Variants in KHDRBS2 observed in about 807,000 individuals in gnomAD.
KHDRBS2 encodes KH domain-containing, RNA-binding, signal transduction-associated protein 2.
In KHDRBS2, 26 loss-of-function variants were observed where a neutral mutation model predicts 44.3. The observed-to-expected ratio is 0.59, with a 90% CI of 0.43 to 0.81. The LOEUF (loss-of-function observed/expected upper bound fraction) is 0.81. Ranked by LOEUF, KHDRBS2 falls within the 40% of genes least tolerant of loss-of-function variation. The pLI is 0.00. For missense variants in KHDRBS2, 476 were observed against 433.1 expected, an observed-to-expected ratio of 1.10 and a Z score of -0.88; for synonymous variants, 194 against 151.1, an observed-to-expected ratio of 1.28 and a Z score of -2.08.
At chr6:62,188,778 A>G (rs996723516) in intron 1 of KHDRBS2, among the ~76,000 whole-genome samples, 5 of 152,168 alleles carry the variant, frequency 3.3e-5, no homozygotes, top group Non-Finnish European at 5.9e-5. Context: ...AAAATAGGTC[A>G]TTAGAAACAC....
At chr6:62,283,060 T>G (rs541100440) in intron 1 of KHDRBS2, among the ~76,000 whole-genome samples, 7 of 152,284 alleles carry the variant, frequency 4.6e-5, no homozygotes, top group Middle Eastern at 3.4e-3. Context: ...ACTTTAAGGA[T>G]AGTCCTGAGT....
At chr6:62,077,125 T>C (rs1405885382) in intron 2 of KHDRBS2, among the ~76,000 whole-genome samples, 1 of 152,076 alleles carries the variant, frequency 6.6e-6, no homozygotes, top group Non-Finnish European at 1.5e-5. Context: ...GAATTTATCA[T>C]TGCAGAATAC....
chr6:61,906,772 C>A (rs1451201394), intron 4 of KHDRBS2, among the ~76,000 whole-genome samples: 1 of 152,146 alleles, frequency 6.6e-6, no homozygotes, highest in Non-Finnish European at 1.5e-5. Flanking sequence ...TGTATACCAA[C>A]CACATTTTCT....
chr6:62,175,715 A>G (rs1820956438), intron 2 of KHDRBS2, among the ~76,000 whole-genome samples: 2 of 151,598 alleles, frequency 1.3e-5, no homozygotes, highest in Non-Finnish European at 3.0e-5. Flanking sequence ...TTTCTTATAC[A>G]TTACAAAATA....
chr6:61,849,744 G>A (rs1184906966), intron 6 of KHDRBS2, among the ~76,000 whole-genome samples: 5 of 151,320 alleles, frequency 3.3e-5, no homozygotes, highest in East Asian at 3.9e-4. Flanking sequence ...AGCCTCTTTC[G>A]AATTTTATAG....
At chr6:62,255,342 T>C (rs1475561948) in intron 1 of KHDRBS2, among the ~76,000 whole-genome samples, 2 of 152,036 alleles carry the variant, frequency 1.3e-5, no homozygotes, top group Non-Finnish European at 2.9e-5. Context: ...ACAACTTTTG[T>C]TATTTTGATT....
chr6:61,590,268 A>C, the KHDRBS2 span, among the ~76,000 whole-genome samples: 1 of 152,272 alleles, frequency 6.6e-6, no homozygotes, highest in South Asian at 2.1e-4. Context: ...CTTGGTATTG[A>C]GTTTGCACTC....
intron 4 of KHDRBS2, among the ~76,000 whole-genome samples, chr6:61,937,041 T>G (rs1262743313): frequency 6.6e-6 from 1 of 151,986 alleles, no homozygotes; most frequent in Non-Finnish European, 1.5e-5. Context: ...TTCTTGATTC[T>G]CTCCCTGACT....
chr6:61,681,512 C>A (rs1403886146), intron 8 of KHDRBS2, among the ~76,000 whole-genome samples: 1 of 151,748 alleles, frequency 6.6e-6, no homozygotes, highest in Non-Finnish European at 1.5e-5. Flanking sequence ...TGGTATTTTT[C>A]AAATACTCCC....
At chr6:62,071,547 C>T (rs1357566938) in intron 2 of KHDRBS2, among the ~76,000 whole-genome samples, 1 of 152,144 alleles carries the variant, frequency 6.6e-6, no homozygotes, top group Non-Finnish European at 1.5e-5. Context: ...CCAGTTTCAG[C>T]TTTCCACATA....
intron 3 of KHDRBS2, among the ~76,000 whole-genome samples, chr6:62,030,933 A>G (rs1313224938): frequency 6.6e-6 from 1 of 152,250 alleles, no homozygotes; most frequent in South Asian, 2.1e-4. Flanking sequence ...GTATAGGCAC[A>G]TGAAGGAGAA....
chr6:61,723,111 C>A (rs1221215225), intron 7 of KHDRBS2, among the ~76,000 whole-genome samples: 1 of 151,772 alleles, frequency 6.6e-6, no homozygotes, highest in African/African-American at 2.4e-5. Context: ...TGAAGCAGAC[C>A]CAAGCAAACC....
At chr6:61,847,304 G>A (rs1004781570) in intron 6 of KHDRBS2, among the ~76,000 whole-genome samples, 4 of 151,986 alleles carry the variant, frequency 2.6e-5, no homozygotes, top group South Asian at 2.1e-4. Context: ...TCCACTCTTC[G>A]AAATGTCCAA....
intron 6 of KHDRBS2, among the ~76,000 whole-genome samples, chr6:61,814,833 G>A (rs563127498): frequency 1.8e-4 from 27 of 152,068 alleles, no homozygotes; most frequent in Non-Finnish European, 3.7e-4. Flanking sequence ...TATTTATACA[G>A]TTGTTCCTCA....
intron 1 of KHDRBS2, among the ~76,000 whole-genome samples, chr6:62,208,095 A>C (rs1244999926): frequency 1.3e-5 from 2 of 152,144 alleles, no homozygotes; most frequent in Non-Finnish European, 2.9e-5. Context: ...ATATCTGTAT[A>C]GTTGAATTAT....
intron 2 of KHDRBS2, among the ~76,000 whole-genome samples, chr6:62,066,292 G>C (rs1318526347): frequency 6.6e-6 from 1 of 151,640 alleles, no homozygotes; most frequent in Non-Finnish European, 1.5e-5. Context: ...AGAGGTACCT[G>C]ACTGAATGTA....
At chr6:61,767,031 T>A (rs1780113951) in intron 6 of KHDRBS2, among the ~76,000 whole-genome samples, 1 of 152,120 alleles carries the variant, frequency 6.6e-6, no homozygotes, top group Admixed American at 6.6e-5. Context: ...CTGAATGATC[T>A]GTCCAATGCT....
intron 3 of KHDRBS2, among the ~76,000 whole-genome samples, chr6:62,025,631 A>AT (rs199716609): frequency 4.5e-4 from 68 of 151,772 alleles, no homozygotes; most frequent in Non-Finnish European, 7.4e-4. Context: ...GATTTTTCCA[A>AT]TTTTTTTTAA....
chr6:62,269,540 A>G (rs1012076989), intron 1 of KHDRBS2, among the ~76,000 whole-genome samples: 10 of 152,100 alleles, frequency 6.6e-5, no homozygotes, highest in Admixed American at 3.3e-4. Flanking sequence ...GTAAGTTACC[A>G]CTGCAAACCA....
Sources: allele counts gnomAD v4.1 joint callset (sites outside exome capture counted in the v4.1 genomes callset), GRCh38; gene constraint gnomAD v4.1.1; transcripts MANE v1.5; gene names NCBI Gene and HGNC (gene_info 2026-07-23, HGNC 2026-07-21).